The following GNA11 variants were observed in gnomAD, a reference collection of about 807,000 sequenced individuals.
The protein encoded by GNA11 is guanine nucleotide-binding protein subunit alpha-11.
In GNA11, 8 loss-of-function variants were observed where a neutral mutation model predicts 38.2. The ratio of observed to expected loss-of-function variants is 0.21; its 90% CI spans 0.12 to 0.38. The LOEUF (loss-of-function observed/expected upper bound fraction) is 0.38, where lower values mean the gene tolerates loss of function less well. Ranked by LOEUF, GNA11 falls within the 10% of genes least tolerant of loss-of-function variation. The pLI, the probability that GNA11 is intolerant of heterozygous loss-of-function variation, is 1.00. For missense variants in GNA11, 268 were observed against 516.3 expected, an observed-to-expected ratio of 0.52 and a Z score of 4.66; for synonymous variants, 211 against 221.4, an observed-to-expected ratio of 0.95 and a Z score of 0.42.
intron 1 of GNA11, among the ~76,000 whole-genome samples, chr19:3,104,182 G>T (rs1444338268): frequency 9.2e-5 from 14 of 152,260 alleles, no homozygotes; most frequent in African/African-American, 2.9e-4. Flanking sequence ...CTCTTGTGGC[G>T]CTTGGAGCCT....
At chr19:3,097,452 G>T (rs1038973996) in intron 1 of GNA11, among the ~76,000 whole-genome samples, 3 of 152,200 alleles carry the variant, frequency 2.0e-5, no homozygotes, top group Non-Finnish European at 2.9e-5. Flanking sequence ...TGGGGCCCAG[G>T]AGGGTCTCGT....
chr19:3,095,659 TTCCTC>T (rs1380588595), intron 1 of GNA11, among the ~76,000 whole-genome samples: 1 of 152,056 alleles, frequency 6.6e-6, no homozygotes. Context: ...AAGACAGTCT[TTCCTC>T]TCCTCAGGGT....
chr19:3,113,111 G>A (rs1349643345), intron 2 of GNA11, among the ~76,000 whole-genome samples: 1 of 152,228 alleles, frequency 6.6e-6, no homozygotes, highest in Non-Finnish European at 1.5e-5. Context: ...GCACCGCCGG[G>A]AGGCTTTGCT....
Position 3,122,944 on chromosome 19 carries a change from A to ACCCC in GNA11, c.*1772_*1775dup, listed in dbSNP as rs56197875. ...CATGGGGAGACGGGGCTGGCGGGAT[A>ACCCC]CCCCCCCCCCGGCTTCCCCACACCA... On this transcript the variant is annotated 3_prime_UTR_variant, in exon 7 of 7. Transcript: ENST00000078429. This position sits in a 1 kb window ranked among gnomAD's most constrained non-coding sequence, Gnocchi z 7.7. 1.4e-5 allele frequency: 3 copies of ACCCC among 219,490 alleles called. No homozygotes were observed. The highest frequency in any genetic ancestry group is 1.9e-4 in the South Asian group (1 of 5,256). The allele number at this position is 219,490 out of a possible 1,614,324, so 13.6% of individuals were successfully genotyped here.
At position 3,094,943 on chromosome 19, in the gene GNA11, C is replaced by T. The variant is rs1191779920; in HGVS notation, c.136+156C>T. ...GTCAGCCCTGCCTGTGCCTTCCCTG[C>T]CTGTCCGGGTCGCGGGACCCTCGAG... On this transcript the variant is annotated intron_variant, in intron 1 of 6. Coordinates refer to ENST00000078429, the MANE Select transcript of GNA11 (RefSeq NM_002067.5). The surrounding 1 kb of genome is among the most constrained non-coding windows in gnomAD (Gnocchi z 6.0). Among the ~76,000 whole-genome samples, 1 of 146,792 alleles carries T rather than the reference C, an allele frequency of 6.8e-6. No homozygotes were observed. Among genetic ancestry groups the T allele is most frequent in the Non-Finnish European group, 1.5e-5 (1 of 66,474 alleles).
rs2145331389 is a variant in GNA11 at position 3,122,533 on chromosome 19, C to T, written c.*1354C>T. 4.3e-6 allele frequency: 1 copy of T among 232,784 alleles called. No homozygotes were observed. The highest frequency in any genetic ancestry group is 6.0e-5 in the East Asian group (1 of 16,546). 14.4% of individuals were successfully genotyped at this position (232,784 alleles called of 1,614,324 possible). A position where few individuals can be genotyped will look rare whatever the true frequency, so the allele number is the denominator to read the frequency against. ...ACTGAGGCACCGAGACTGGTTCTCCCCGAGAGACTCGGAAGGTGGGGAACG... is the reference window on the plus strand; with the variant it reads ...ACTGAGGCACCGAGACTGGTTCTCCTCGAGAGACTCGGAAGGTGGGGAACG... On this transcript the variant is annotated 3_prime_UTR_variant, in exon 7 of 7. Transcript: ENST00000078429. The surrounding 1 kb of genome is among the most constrained non-coding windows in gnomAD (Gnocchi z 7.7).
At chr19:3,097,685 G>C (rs1176184478) in intron 1 of GNA11, among the ~76,000 whole-genome samples, 3 of 152,250 alleles carry the variant, frequency 2.0e-5, no homozygotes, top group African/African-American at 4.8e-5. Context: ...ACCTTACGGA[G>C]CCCTAGAGCT....
At chr19:3,105,268 T>G (rs1327036673) in intron 1 of GNA11, among the ~76,000 whole-genome samples, 1 of 152,072 alleles carries the variant, frequency 6.6e-6, no homozygotes, top group Admixed American at 6.5e-5. Context: ...TTCCTAACAT[T>G]TTGTCACCGT....
chr19:3,118,874 T>C (rs1913991515), intron 4 of GNA11, 50 bp from the exon 5 acceptor site: 4 of 1,588,352 alleles, frequency 2.5e-6, no homozygotes, highest in South Asian at 1.1e-5. Context: ...GGATTGCAGA[T>C]TGGGCCTTGG....
chr19:3,112,288 C>T (rs1396992476), intron 2 of GNA11, among the ~76,000 whole-genome samples: 1 of 152,170 alleles, frequency 6.6e-6, no homozygotes, highest in Non-Finnish European at 1.5e-5. Flanking sequence ...GGGGGCAGGG[C>T]AAGGGGAGGG....
At chr19:3,109,668 G>A (rs964217748) in intron 1 of GNA11, among the ~76,000 whole-genome samples, 35 of 152,134 alleles carry the variant, frequency 2.3e-4, no homozygotes, top group Admixed American at 2.1e-3. Flanking sequence ...GGAAGGGGGC[G>A]CCCAGCCCTT....
intron 4 of GNA11, among the ~76,000 whole-genome samples, chr19:3,115,955 G>A (rs1359568995): frequency 2.5e-3 from 273 of 110,926 alleles, no homozygotes; most frequent in African/African-American, 0.012. Flanking sequence ...AGGAGGGGTC[G>A]TGGGGACCGA....
chr19:3,118,435 G>A lies in GNA11; in HGVS notation c.606-489G>A, dbSNP rs186293674. 109 of 156,828 alleles carry A rather than the reference G, an allele frequency of 7.0e-4. 1 individual carries two copies. Among genetic ancestry groups the A allele is most frequent in the Admixed American group, 5.4e-3 (88 of 16,174 alleles). The allele number at this position is 156,828 out of a possible 1,614,324, so 9.7% of individuals were successfully genotyped here. On this transcript the variant is annotated intron_variant, in intron 4 of 6. Transcript: ENST00000078429. ...TGCTCTTCTGCCCCAGGAGGATACC[G>A]GCAACTCTGCCCTCTGCAGCCGTCA...
intron 4 of GNA11, chr19:3,117,056 G>A (rs928677912): frequency 1.3e-5 from 2 of 152,314 alleles, no homozygotes; most frequent in African/African-American, 4.8e-5. Flanking sequence ...CTCTGGGATG[G>A]TTCCCGGGGA....
chr19:3,107,602 G>A (rs1167680719), intron 1 of GNA11, among the ~76,000 whole-genome samples: 1 of 152,190 alleles, frequency 6.6e-6, no homozygotes, highest in Non-Finnish European at 1.5e-5. Context: ...AAACAAACAC[G>A]GAGCAGCCAT....
Position 3,123,109 on chromosome 19 carries a change from T to G in GNA11, c.*1930T>G, listed in dbSNP as rs936316847. The stretch of plus-strand genomic sequence containing the variant: ...ATGGGGCCACCCCTGGCAGGGCCGC[T>G]ACAACCTTTTCCAGCAGCGGAGCCC... On this transcript the variant is annotated 3_prime_UTR_variant, in exon 7 of 7. Transcript: ENST00000078429. 5.1e-5 allele frequency: 12 copies of G among 233,170 alleles called. No individual in the cohort carries two copies. The Admixed American group carries it at 5.6e-4, about 11-fold the overall frequency. The allele number at this position is 233,170 out of a possible 1,614,324, so 14.4% of individuals were successfully genotyped here.
At chr19:3,103,682 C>T (rs866398867) in intron 1 of GNA11, among the ~76,000 whole-genome samples, 17 of 151,478 alleles carry the variant, frequency 1.1e-4, no homozygotes, top group African/African-American at 3.9e-4. Context: ...CCCACTGCCA[C>T]ACCCAGCTAA....
At chr19:3,112,371 G>A (rs1040141423) in intron 2 of GNA11, among the ~76,000 whole-genome samples, 1 of 152,194 alleles carries the variant, frequency 6.6e-6, no homozygotes, top group Non-Finnish European at 1.5e-5. Context: ...ACTCTGGGGG[G>A]CCTGGGAGGG....
At chr19:3,098,815 C>T (rs1913433811) in intron 1 of GNA11, among the ~76,000 whole-genome samples, 1 of 152,200 alleles carries the variant, frequency 6.6e-6, no homozygotes, top group Non-Finnish European at 1.5e-5. Context: ...TGGCCTCGTC[C>T]AACCTTGACT....
Sources: gnomAD v4.1 joint callset for allele counts (sites outside exome capture counted in the v4.1 genomes callset) on GRCh38, gnomAD v4.1.1 for gene constraint, Gnocchi (gnomAD v3.1) non-coding constraint, MANE v1.5 for transcripts, NCBI Gene and HGNC (gene_info 2026-07-23, HGNC 2026-07-21) for gene names.